The following SPTSSB variants were observed in gnomAD, a reference collection of about 807,000 sequenced individuals.
SPTSSB encodes the protein serine palmitoyltransferase small subunit B.
A neutral mutation model predicts 7.7 loss-of-function variants in SPTSSB; 6 were observed. That is an observed-to-expected ratio of 0.78 (90% CI 0.43 to 1.54). The LOEUF (loss-of-function observed/expected upper bound fraction) is 1.54, where lower values mean the gene tolerates loss of function less well. Ranked by LOEUF, SPTSSB falls within the 40% of genes most tolerant of loss-of-function variation. The probability of loss-of-function intolerance (pLI) is 0.01; values close to 1 mark genes in which losing one functional copy is unlikely to be tolerated. For missense variants in SPTSSB, 91 were observed against 93.0 expected (o/e 0.98, Z 0.09); for synonymous variants, 28 against 29.7 (o/e 0.94, Z 0.19).
At chr3:161,346,614 C>T (rs1714251841) in intron 2 of SPTSSB, among the ~76,000 whole-genome samples, 1 of 152,072 alleles carries the variant, frequency 6.6e-6, no homozygotes, top group Non-Finnish European at 1.5e-5. Flanking sequence ...CTAAACATGA[C>T]AATTGTTAGA....
chr3:161,364,693 A>AT (rs143465543), intron 1 of SPTSSB, among the ~76,000 whole-genome samples: 7,360 of 151,170 alleles, frequency 0.049, 266 homozygotes, highest in African/African-American at 0.097. Flanking sequence ...TATTTATTTA[A>AT]TTTTTTTTGC....
At chr3:161,361,505 T>C (rs955740560) in intron 1 of SPTSSB, among the ~76,000 whole-genome samples, 6 of 152,222 alleles carry the variant, frequency 3.9e-5, no homozygotes, top group Admixed American at 6.5e-5. Context: ...AGTTTGAAAT[T>C]GGCAAACTGG....
intron 2 of SPTSSB, among the ~76,000 whole-genome samples, chr3:161,348,276 AC>A (rs1714352923): frequency 7.4e-6 from 1 of 135,300 alleles, no homozygotes; most frequent in Non-Finnish European, 1.5e-5. Context: ...ACAAAACAAA[AC>A]AAAACAAAAC....
chr3:161,364,870 G>A (rs1171359217), intron 1 of SPTSSB, among the ~76,000 whole-genome samples: 1 of 151,430 alleles, frequency 6.6e-6, no homozygotes, highest in Non-Finnish European at 1.5e-5. Context: ...GACATCTTGC[G>A]CTTTTTTCCT....
At chr3:161,351,407 C>G (rs1230162648) in intron 2 of SPTSSB, among the ~76,000 whole-genome samples, 4 of 152,180 alleles carry the variant, frequency 2.6e-5, no homozygotes, top group African/African-American at 9.7e-5. Flanking sequence ...AGAGTTATCC[C>G]TATTCTAAAC....
intron 2 of SPTSSB, among the ~76,000 whole-genome samples, chr3:161,353,277 T>C (rs946038509): frequency 1.3e-5 from 2 of 152,196 alleles, no homozygotes; most frequent in Non-Finnish European, 2.9e-5. Flanking sequence ...TTGTAAAACT[T>C]TAAGCCACTT....
chr3:161,370,236 T>A (rs6777289), intron 1 of SPTSSB, among the ~76,000 whole-genome samples: 2,478 of 152,248 alleles, frequency 0.016, 75 homozygotes, highest in African/African-American at 0.056. Flanking sequence ...GAGGACTGGT[T>A]GATTTTCAAC....
chr3:161,346,048 G>A lies in SPTSSB; in HGVS notation c.*45C>T, dbSNP rs772110522. 4.0e-6 allele frequency: 4 copies of A among 1,009,532 alleles called. No homozygotes were observed. In the Admixed American group the frequency reaches 5.2e-5, roughly 13 times the overall value. The allele number at this position is 1,009,532 out of a possible 1,614,324, so 62.5% of individuals were successfully genotyped here. A position where few individuals can be genotyped will look rare whatever the true frequency, so the allele number is the denominator to read the frequency against. On this transcript the variant is annotated 3_prime_UTR_variant, in exon 3 of 3. Transcript: ENST00000620149. ...AGTTACCTAAATCAATAAGCTGTAA[G>A]CAACATATAAATATGCAATGCCATT...
intron 1 of SPTSSB, among the ~76,000 whole-genome samples, chr3:161,364,856 G>T (rs1324354490): frequency 6.6e-6 from 1 of 151,952 alleles, no homozygotes; most frequent in African/African-American, 2.4e-5. Context: ...GTTGCTTTGG[G>T]CATGACATCT....
At chr3:161,357,310 ACT>A (rs1174162569) in intron 2 of SPTSSB, among the ~76,000 whole-genome samples, 4 of 151,916 alleles carry the variant, frequency 2.6e-5, no homozygotes, top group African/African-American at 9.7e-5. Context: ...AAAAGAAAAA[ACT>A]CTCATTGACA....
At chr3:161,369,022 A>G (rs1166873527) in intron 1 of SPTSSB, among the ~76,000 whole-genome samples, 9 of 152,190 alleles carry the variant, frequency 5.9e-5, no homozygotes, top group Admixed American at 3.9e-4. Flanking sequence ...TGCCACTATG[A>G]ACATTTGTGT....
chr3:161,361,576 C>A (rs1715018520), intron 1 of SPTSSB, among the ~76,000 whole-genome samples: 1 of 152,118 alleles, frequency 6.6e-6, no homozygotes, highest in African/African-American at 2.4e-5. Flanking sequence ...GTTATGCCAT[C>A]AGTAACATGG....
At chr3:161,358,042 TTG>T (rs938803819) in intron 2 of SPTSSB, among the ~76,000 whole-genome samples, 1 of 132,868 alleles carries the variant, frequency 7.5e-6, no homozygotes, top group Non-Finnish European at 1.5e-5. Context: ...ATAGAAACTT[TTG>T]TTTTTTTTTT....
intron 1 of SPTSSB, among the ~76,000 whole-genome samples, chr3:161,368,046 G>A (rs1031873621): frequency 2.0e-5 from 3 of 152,216 alleles, no homozygotes; most frequent in East Asian, 1.9e-4. Flanking sequence ...TCTAAGTGGA[G>A]AAAAGTTTGG....
chr3:161,365,311 G>A (rs1715173655), intron 1 of SPTSSB, among the ~76,000 whole-genome samples: 1 of 152,218 alleles, frequency 6.6e-6, no homozygotes. Context: ...CAATAAGATA[G>A]ACATGGTCAC....
intron 1 of SPTSSB, among the ~76,000 whole-genome samples, chr3:161,366,793 G>T (rs573379600): frequency 6.6e-6 from 1 of 152,192 alleles, no homozygotes; most frequent in African/African-American, 2.4e-5. Flanking sequence ...TTTAAAATCT[G>T]TTGAATAAAT....
At chr3:161,368,849 A>T (rs1286839506) in intron 1 of SPTSSB, among the ~76,000 whole-genome samples, 1 of 152,210 alleles carries the variant, frequency 6.6e-6, no homozygotes, top group Non-Finnish European at 1.5e-5. Context: ...ACTTAACGTA[A>T]TCTCTTCAAT....
chr3:161,359,356 T>A (rs1714910291), intron 2 of SPTSSB: 1 of 152,206 alleles, frequency 6.6e-6, no homozygotes, highest in Non-Finnish European at 1.5e-5. Flanking sequence ...TCCATTTAAA[T>A]AAAAGATGAA....
At chr3:161,353,448 C>T (rs1384613516) in intron 2 of SPTSSB, among the ~76,000 whole-genome samples, 6 of 152,106 alleles carry the variant, frequency 3.9e-5, no homozygotes, top group African/African-American at 1.2e-4. Context: ...TAAATACACA[C>T]GTTTGTAGCC....
Sources: gnomAD v4.1 joint callset for allele counts (sites outside exome capture counted in the v4.1 genomes callset) on GRCh38, gnomAD v4.1.1 for gene constraint, MANE v1.5 for transcripts, NCBI Gene and HGNC (gene_info 2026-07-23, HGNC 2026-07-21) for gene names.